Variants in DIO2 observed in about 807,000 individuals in gnomAD.
The protein encoded by DIO2 is type II iodothyronine deiodinase.
In DIO2, 19 loss-of-function variants were observed where a neutral mutation model predicts 21.4. The ratio of observed to expected loss-of-function variants is 0.89; its 90% CI spans 0.62 to 1.30. The LOEUF is 1.30. Among genes scored for constraint, DIO2 ranks in the 50% most tolerant of loss-of-function variants. The pLI is 0.00. For synonymous variants in DIO2, 122 were observed against 132.9 expected (o/e 0.92, Z 0.57); for missense variants, 302 against 338.1 (o/e 0.89, Z 0.84).
At chr14:80,213,845 C>T (rs1307154677), upstream of DIO2, among the ~76,000 whole-genome samples, 1 of 152,146 alleles carries the variant, frequency 6.6e-6, no homozygotes, top group African/African-American at 2.4e-5. Context: ...TCATTTTTTT[C>T]ATTAGTTTGG....
chr14:80,219,908 T>C (rs1483947180), intron 2 of DIO2, among the ~76,000 whole-genome samples: 2 of 152,324 alleles, frequency 1.3e-5, no homozygotes, highest in South Asian at 2.1e-4. Flanking sequence ...CATTTTATTA[T>C]AAATCACTAT....
rs5809986 is a variant in DIO2, at chr14:80,203,296, T to TAAAAAAA, written c.223-15_223-9dup. On this transcript the variant is annotated splice_polypyrimidine_tract_variant and intron_variant, in intron 1 of 1. Transcript: ENST00000438257. The stretch of plus-strand genomic sequence containing the variant: ...ATCCTCACCCAATTTCACCTGACGG[T>TAAAAAAA]AAAAAAAAAAAAAAAGAAGAAGAAG... 2.9e-6 allele frequency: 4 copies of TAAAAAAA among 1,394,460 alleles called. No homozygotes were observed. The highest frequency in any genetic ancestry group is 1.9e-6 in the Non-Finnish European group (2 of 1,062,910). 86.4% of individuals were successfully genotyped at this position (1,394,460 alleles called of 1,614,324 possible). A position where few individuals can be genotyped will look rare whatever the true frequency, so the allele number is the denominator to read the frequency against.
At chr14:80,212,750 C>T (rs1452118940), upstream of DIO2, among the ~76,000 whole-genome samples, 1 of 151,340 alleles carries the variant, frequency 6.6e-6, no homozygotes, top group Non-Finnish European at 1.5e-5. Flanking sequence ...AGGTGGAAAA[C>T]TTGTAAACTA....
rs2139993365 is a variant in DIO2, at chr14:80,201,192, A to G, written c.*1497T>C. On this transcript the variant is annotated 3_prime_UTR_variant, in exon 2 of 2. Transcript: ENST00000438257. ...TTTTAAAATAGCATTATAATCATAT[A>G]CTATAGGGACTTTAGATTACTAAAC... 1.3e-5 allele frequency: 2 copies of G among 151,910 alleles called. No individual in the cohort carries two copies. Among genetic ancestry groups the G allele is most frequent in the East Asian group, 3.9e-4 (2 of 5,176 alleles). 9.4% of individuals were successfully genotyped at this position (151,910 alleles called of 1,614,324 possible).
chr14:80,204,373 A>G (rs1225308263), intron 1 of DIO2, among the ~76,000 whole-genome samples: 2 of 152,182 alleles, frequency 1.3e-5, no homozygotes, highest in African/African-American at 4.8e-5. Context: ...TCTGAATTAT[A>G]AAATATTGGG....
chr14:80,213,661 C>T (rs1355265479), upstream of DIO2, among the ~76,000 whole-genome samples: 1 of 152,124 alleles, frequency 6.6e-6, no homozygotes. Context: ...TTGAGGACGT[C>T]CTGAATGAAT....
chr14:80,221,593 T>G (rs374224407), intron 2 of DIO2, among the ~76,000 whole-genome samples: 86 of 152,304 alleles, frequency 5.6e-4, no homozygotes, highest in African/African-American at 2.0e-3. Context: ...CAAAATGCAA[T>G]GTACTACAAG....
At chr14:80,212,879 CAG>C (rs1380443146), upstream of DIO2, among the ~76,000 whole-genome samples, 40 of 150,178 alleles carry the variant, frequency 2.7e-4, no homozygotes, top group African/African-American at 9.8e-4. Flanking sequence ...TTCCTCCAGA[CAG>C]GGAAGGAGCT....
intron 2 of DIO2, among the ~76,000 whole-genome samples, chr14:80,225,519 G>A (rs1888558101): frequency 8.5e-5 from 13 of 152,096 alleles, no homozygotes; most frequent in Admixed American, 8.5e-4. Flanking sequence ...ACGCACAAAC[G>A]TTTTTAACAA....
rs2139992069 is a variant in DIO2, at chr14:80,200,337, C to A, written c.*2352G>T. 6.5e-6 allele frequency: 1 copy of A among 152,712 alleles called. No individual in the cohort carries two copies. The highest frequency in any genetic ancestry group is 2.1e-4 in the South Asian group (1 of 4,826). 9.5% of individuals were successfully genotyped at this position (152,712 alleles called of 1,614,324 possible). ...GAGAATTGTCTGCACACATAAACGA[C>A]CTCCTTCTTTAAAAATATAGCACAA... On this transcript the variant is annotated 3_prime_UTR_variant, in exon 2 of 2. Transcript: ENST00000438257.
chr14:80,197,759 G>C lies in DIO2; in HGVS notation c.*4930C>G, dbSNP rs1320403964. The C allele has an allele frequency of 6.6e-6, 1 of 152,632 alleles. No individual in the cohort carries two copies. Among genetic ancestry groups the C allele is most frequent in the East Asian group, 1.9e-4 (1 of 5,184 alleles). The allele number at this position is 152,632 out of a possible 1,614,324, so 9.5% of individuals were successfully genotyped here. A position where few individuals can be genotyped will look rare whatever the true frequency, so the allele number is the denominator to read the frequency against. On this transcript the variant is annotated 3_prime_UTR_variant, in exon 2 of 2. Transcript: ENST00000438257. ...ATATTCTCCTTGCCAGGGAGACAAA[G>C]ATGGGGAGAGGCAAACTAATGTGAC...
rs149525841 is a variant in DIO2, at chr14:80,223,994, G to A, written c.-277-7257C>T. Among the ~76,000 whole-genome samples, 449 of 152,240 alleles carry A rather than the reference G, an allele frequency of 2.9e-3. 1 individual carries two copies. Among genetic ancestry groups the A allele is most frequent in the African/African-American group, 0.01 (426 of 41,554 alleles). On this transcript the variant is annotated intron_variant, in intron 2 of 4. Coordinates refer to the DIO2 transcript ENST00000553594. ...CCCAATTATCTTCTCACATAATCCT[G>A]CTTTTATAAGAATGATAATATCAAC...
intron 2 of DIO2, among the ~76,000 whole-genome samples, chr14:80,229,842 A>G (rs187074264): frequency 4.6e-5 from 7 of 152,198 alleles, no homozygotes; most frequent in African/African-American, 1.7e-4. Context: ...GTTCATTCCC[A>G]TGCCTGTTCT....
chr14:80,202,405 T>C lies in DIO2; in HGVS notation c.*284A>G, dbSNP rs1887766305. 1.5e-6 allele frequency: 1 copy of C among 654,982 alleles called. No homozygotes were observed. Among genetic ancestry groups the C allele is most frequent in the Non-Finnish European group, 2.9e-6 (1 of 349,048 alleles). The allele number at this position is 654,982 out of a possible 1,614,324, so 40.6% of individuals were successfully genotyped here. ...ATCAGATGTATCAGTTCCTTCTCAA[T>C]GCAGAATGAACACATGCTGAATTAG... On this transcript the variant is annotated 3_prime_UTR_variant, in exon 2 of 2. Coordinates refer to ENST00000438257, the MANE Select transcript of DIO2 (RefSeq NM_013989.5).
intron 2 of DIO2, chr14:80,230,788 C>T (rs1415204751): frequency 6.6e-6 from 1 of 152,156 alleles, no homozygotes; most frequent in Admixed American, 6.5e-5. Flanking sequence ...GAACTTCATC[C>T]TTAATATTAT....
chr14:80,217,771 T>G (rs1364100038), intron 2 of DIO2, among the ~76,000 whole-genome samples: 34 of 152,362 alleles, frequency 2.2e-4, no homozygotes, highest in Non-Finnish European at 1.5e-5. Flanking sequence ...ATGATTTTTG[T>G]ATCAGTAATA....
intron 1 of DIO2, chr14:80,205,773 A>C (rs747589137): frequency 1.5e-5 from 18 of 1,216,112 alleles, no homozygotes; most frequent in Non-Finnish European, 1.8e-5. Flanking sequence ...CAAATTCGTA[A>C]TGCTCTTTAT....
chr14:80,205,778 C>A (rs377081861), intron 1 of DIO2: 7 of 1,193,316 alleles, frequency 5.9e-6, no homozygotes, highest in Non-Finnish European at 7.5e-6. Flanking sequence ...TCGTAATGCT[C>A]TTTATGGGGG....
chr14:80,216,474 C>A (rs1042025864), upstream of DIO2, among the ~76,000 whole-genome samples: 8 of 152,146 alleles, frequency 5.3e-5, no homozygotes, highest in Admixed American at 5.2e-4. Flanking sequence ...CCCCTCTCCC[C>A]ACTGCCCAAA....
Sources: gnomAD v4.1 joint callset for allele counts (sites outside exome capture counted in the v4.1 genomes callset) on GRCh38, gnomAD v4.1.1 for gene constraint, MANE v1.5 for transcripts, NCBI Gene and HGNC (gene_info 2026-07-23, HGNC 2026-07-21) for gene names.